RAF1: variants seen among roughly 807,000 people sequenced by gnomAD.
RAF1 encodes RAF proto-oncogene serine/threonine-protein kinase.
RAF1 carries 27 observed loss-of-function variants against 81.1 expected under a neutral mutation model. The ratio of observed to expected loss-of-function variants is 0.33; its 90% CI spans 0.25 to 0.46. The LOEUF (loss-of-function observed/expected upper bound fraction) is 0.46, where lower values mean the gene tolerates loss of function less well. Among genes scored for constraint, RAF1 ranks in the 20% least tolerant of loss-of-function variants. The pLI, the probability that RAF1 is intolerant of heterozygous loss-of-function variation, is 1.00. For synonymous variants in RAF1, 298 were observed against 294.0 expected (o/e 1.01, Z -0.14); for missense variants, 598 against 826.0 (o/e 0.72, Z 3.38).
intron 1 of RAF1, among the ~76,000 whole-genome samples, chr3:12,629,770 C>G (rs1027484941): frequency 2.6e-5 from 4 of 152,150 alleles, no homozygotes; most frequent in Non-Finnish European, 4.4e-5. Context: ...TAATCTGTTT[C>G]TAATTATACT....
intron 14 of RAF1, 54 bp downstream of exon 13, chr3:12,587,537 G>A: frequency 6.6e-7 from 1 of 1,509,154 alleles, no homozygotes. Context: ...CCTCCCTTCT[G>A]TTTCCCTAAA....
At chr3:12,627,129 G>C (rs2059728055) in intron 1 of RAF1, among the ~76,000 whole-genome samples, 2 of 151,798 alleles carry the variant, frequency 1.3e-5, no homozygotes, top group African/African-American at 4.8e-5. Context: ...TATTTGGTAA[G>C]ACAGTCTGGG....
intron 13 of RAF1, chr3:12,587,956 T>A: frequency 5.9e-6 from 1 of 169,632 alleles, no homozygotes; most frequent in Non-Finnish European, 1.1e-5. Flanking sequence ...TGTGCCACCA[T>A]GCCGCCTTTT....
At chr3:12,589,520 A>AG in intron 13 of RAF1, 1 of 152,292 alleles carries the variant, frequency 6.6e-6, no homozygotes, top group Middle Eastern at 3.4e-3. Context: ...GCACTACCCT[A>AG]GGCTAGCCAG....
At chr3:12,636,393 G>T (rs2060032020) in intron 1 of RAF1, among the ~76,000 whole-genome samples, 1 of 149,650 alleles carries the variant, frequency 6.7e-6, no homozygotes, top group Non-Finnish European at 1.5e-5. Flanking sequence ...AATCGCTTAA[G>T]CCCAGTAGTT....
chr3:12,634,398 G>A (rs549038552), intron 1 of RAF1, among the ~76,000 whole-genome samples: 6 of 151,522 alleles, frequency 4.0e-5, no homozygotes, highest in Admixed American at 1.3e-4. Context: ...TGATCCACCC[G>A]CCTCGGCCTC....
intron 1 of RAF1, among the ~76,000 whole-genome samples, chr3:12,644,160 A>C (rs1407527121): frequency 6.6e-6 from 1 of 152,204 alleles, no homozygotes; most frequent in Non-Finnish European, 1.5e-5. Context: ...AAGTACAATG[A>C]AGTAGCTTCG....
intron 11 of RAF1, among the ~76,000 whole-genome samples, chr3:12,596,714 T>C (rs1282933760): frequency 1.3e-5 from 2 of 152,318 alleles, no homozygotes; most frequent in East Asian, 3.9e-4. Flanking sequence ...ACAGATATAC[T>C]GTATACAGGA....
rs535917887 is a variant in RAF1 at position 12,600,918 on chromosome 3, A to C, written c.895-503T>G. 1.4e-4 allele frequency among the ~76,000 whole-genome samples: 22 copies of C among 152,366 alleles called. No homozygotes were observed. In the South Asian group the frequency reaches 4.3e-3, roughly 30 times the overall value. ...ACATTCTTTTTCTCAAAAGAAAGCA[A>C]TGTACACAACAAACATACTCTTTCA... On this transcript the variant is annotated intron_variant, in intron 8 of 17. Transcript: ENST00000442415.
intron 11 of RAF1, among the ~76,000 whole-genome samples, chr3:12,595,504 C>G (rs1288663514): frequency 6.6e-6 from 1 of 152,130 alleles, no homozygotes; most frequent in East Asian, 1.9e-4. Flanking sequence ...ACCCCAGATC[C>G]CATTTAACCC....
chr3:12,643,051 CAAG>C (rs964429876), intron 1 of RAF1, among the ~76,000 whole-genome samples: 13 of 152,092 alleles, frequency 8.5e-5, no homozygotes, highest in Admixed American at 7.9e-4. Flanking sequence ...CCTATTCTTT[CAAG>C]AAGTAAGATC....
At chr3:12,652,807 G>T (rs2125569142) in intron 1 of RAF1, among the ~76,000 whole-genome samples, 1 of 151,720 alleles carries the variant, frequency 6.6e-6, no homozygotes, top group Non-Finnish European at 1.5e-5. Flanking sequence ...AAATTAGCCA[G>T]GTGTTATACA....
intron 4 of RAF1, 80 bp from the exon 5 acceptor site, chr3:12,609,003 A>G (rs1302599662): frequency 6.5e-7 from 1 of 1,539,334 alleles, no homozygotes; most frequent in Admixed American, 1.8e-5. Flanking sequence ...GGCCTCCAAA[A>G]AAGTTTTTAC....
chr3:12,584,426 G>T lies in RAF1; in HGVS notation c.*88C>A, dbSNP rs1385982925. 1 of 1,543,550 alleles carries T rather than the reference G, an allele frequency of 6.5e-7. No individual in the cohort carries two copies. The highest frequency in any genetic ancestry group is 1.4e-5 in the African/African-American group (1 of 73,410). On this transcript the variant is annotated 3_prime_UTR_variant, in exon 18 of 18. Coordinates refer to ENST00000442415, the MANE Select transcript of RAF1 (RefSeq NM_001354689.3). ...AGCAGCAGCTTCTCTGAAAACATGTGTTCTGCCTCTGGAGAAAGGGAGCAG... is the reference window on the plus strand; with the variant it reads ...AGCAGCAGCTTCTCTGAAAACATGTTTTCTGCCTCTGGAGAAAGGGAGCAG...
intron 1 of RAF1, among the ~76,000 whole-genome samples, chr3:12,655,002 C>CCA (rs1334709545): frequency 7.4e-6 from 1 of 135,506 alleles, no homozygotes; most frequent in East Asian, 3.0e-4. Context: ...ATAGTGAGAC[C>CCA]CCCCCCCCGC....
intron 1 of RAF1, among the ~76,000 whole-genome samples, chr3:12,639,320 G>A (rs1318845647): frequency 6.6e-6 from 1 of 152,154 alleles, no homozygotes; most frequent in Non-Finnish European, 1.5e-5. Flanking sequence ...ACCAGATAGG[G>A]ATGCCCTCTC....
intron 1 of RAF1, among the ~76,000 whole-genome samples, chr3:12,645,114 A>T (rs796765518): frequency 1.5e-4 from 23 of 151,774 alleles, no homozygotes; most frequent in Middle Eastern, 6.8e-3. Context: ...AAAAAAAAAA[A>T]AAAAAAATAA....
intron 5 of RAF1, among the ~76,000 whole-genome samples, chr3:12,607,973 A>AAAG (rs869249193): frequency 3.6e-5 from 5 of 137,762 alleles, no homozygotes; most frequent in African/African-American, 1.3e-4. Context: ...AAAAAAAAAA[A>AAAG]GGGTGGGGGA....
At chr3:12,592,135 C>T (rs5746231) in intron 11 of RAF1, 235 of 367,442 alleles carry the variant, frequency 6.4e-4, no homozygotes, top group South Asian at 4.4e-3. Flanking sequence ...CCTTCGATAG[C>T]CTTGGTTAAA....
Sources: allele counts gnomAD v4.1 joint callset (sites outside exome capture counted in the v4.1 genomes callset), GRCh38; gene constraint gnomAD v4.1.1; transcripts MANE v1.5; gene names NCBI Gene and HGNC (gene_info 2026-07-23, HGNC 2026-07-21).